Variants in ANO4 observed in about 807,000 individuals in gnomAD.
ANO4 encodes anoctamin-4.
In ANO4, 69 loss-of-function variants were observed where a neutral mutation model predicts 141.9. The ratio of observed to expected loss-of-function variants is 0.49; its 90% CI spans 0.40 to 0.59. The LOEUF (loss-of-function observed/expected upper bound fraction) is 0.59, where lower values mean the gene tolerates loss of function less well. Ranked by LOEUF, ANO4 falls within the 20% of genes least tolerant of loss-of-function variation. ANO4 has a pLI of 0.00. For synonymous variants in ANO4, 350 were observed against 394.3 expected (o/e 0.89, Z 1.33); for missense variants, 894 against 1,162.2 (o/e 0.77, Z 3.36).
chr12:100,929,953 T>C (rs2042022931), intron 3 of ANO4, among the ~76,000 whole-genome samples: 1 of 152,188 alleles, frequency 6.6e-6, no homozygotes, highest in Admixed American at 6.6e-5. Context: ...CCTTTTCATG[T>C]GCCTGTTTGC....
At chr12:100,848,680 C>T (rs2037709088) in intron 1 of ANO4, among the ~76,000 whole-genome samples, 1 of 152,058 alleles carries the variant, frequency 6.6e-6, no homozygotes, top group South Asian at 2.1e-4. Context: ...GCACGCGACC[C>T]CCTCACACTC....
intron 1 of ANO4, among the ~76,000 whole-genome samples, chr12:100,817,221 G>T (rs2035784156): frequency 6.6e-6 from 1 of 151,746 alleles, no homozygotes; most frequent in Admixed American, 6.6e-5. Flanking sequence ...TGGCTCTGGG[G>T]TATACTTGTA....
intron 2 of ANO4, among the ~76,000 whole-genome samples, chr12:100,915,358 T>C (rs956804732): frequency 5.9e-5 from 9 of 152,176 alleles, no homozygotes; most frequent in African/African-American, 2.2e-4. Flanking sequence ...AGTATACCTC[T>C]CAGGACAGGA....
rs191019904 is a variant in ANO4, at chr12:100,880,104, G to A, written c.-140-21542G>A. On this transcript the variant is annotated intron_variant, in intron 1 of 27. Transcript: ENST00000392977. ...ACACATTGTAGGGGTAGTTTAGCAT[G>A]GCTATAGGAAGAAGTGGGTAACATA... Among the ~76,000 whole-genome samples, 6 of 152,256 alleles carry A rather than the reference G, an allele frequency of 3.9e-5. No individual in the cohort carries two copies. In the East Asian group the frequency reaches 1.2e-3, roughly 29 times the overall value.
chr12:101,035,900 A>G (rs909635391), intron 9 of ANO4, among the ~76,000 whole-genome samples: 3 of 152,166 alleles, frequency 2.0e-5, no homozygotes, highest in African/African-American at 4.8e-5. Flanking sequence ...ACCTGTCAGT[A>G]CTATGCTCAT....
intron 14 of ANO4, among the ~76,000 whole-genome samples, chr12:101,050,436 AAC>A (rs1465899961): frequency 1.3e-5 from 2 of 152,124 alleles, no homozygotes; most frequent in Admixed American, 1.3e-4. Context: ...AACTAACCCT[AAC>A]AGAATTTTGA....
At chr12:101,077,287 G>C (rs1284595544) in intron 14 of ANO4, among the ~76,000 whole-genome samples, 1 of 152,184 alleles carries the variant, frequency 6.6e-6, no homozygotes, top group Non-Finnish European at 1.5e-5. Context: ...TTGGAAGCTT[G>C]TCCTGTTTCC....
At chr12:101,111,861 AAATAAT>A (rs1422896926) in intron 24 of ANO4, 151 bp downstream of exon 24, 5 of 572,230 alleles carry the variant, frequency 8.7e-6, no homozygotes, top group Non-Finnish European at 1.3e-5. Context: ...GATTTATTAT[AAATAAT>A]AATAATAACA....
chr12:100,894,234 A>G (rs1331595175), intron 1 of ANO4, among the ~76,000 whole-genome samples: 1 of 152,082 alleles, frequency 6.6e-6, no homozygotes, highest in Non-Finnish European at 1.5e-5. Context: ...AAATAGCCTG[A>G]CACTAAGTGA....
chr12:100,900,337 G>T (rs543691920), intron 1 of ANO4, among the ~76,000 whole-genome samples: 240 of 151,534 alleles, frequency 1.6e-3, no homozygotes, highest in Non-Finnish European at 2.7e-3. Flanking sequence ...GAGTTCTAGG[G>T]TACATGTGCA....
chr12:101,094,607 C>A (rs2049906422), intron 18 of ANO4, among the ~76,000 whole-genome samples: 1 of 152,122 alleles, frequency 6.6e-6, no homozygotes, highest in East Asian at 1.9e-4. Flanking sequence ...GGAAAGTGTT[C>A]ATTTGCTATT....
At chr12:100,815,631 T>C (rs936259437) in intron 1 of ANO4, among the ~76,000 whole-genome samples, 2 of 152,144 alleles carry the variant, frequency 1.3e-5, no homozygotes, top group Non-Finnish European at 2.9e-5. Flanking sequence ...TAATTGTATA[T>C]AAATGGTAAT....
intron 19 of ANO4, among the ~76,000 whole-genome samples, chr12:101,097,053 G>A (rs1227873505): frequency 6.6e-6 from 1 of 152,050 alleles, no homozygotes; most frequent in Admixed American, 6.6e-5. Flanking sequence ...AGGAAAGGGG[G>A]CAAAAATGGG....
intron 1 of ANO4, among the ~76,000 whole-genome samples, chr12:100,878,803 G>T (rs117655310): frequency 6.6e-6 from 1 of 152,272 alleles, no homozygotes; most frequent in Non-Finnish European, 1.5e-5. Flanking sequence ...AAAGCGAAGA[G>T]AATTCTTTAA....
chr12:100,732,879 G>T (rs2031439568), intron 1 of ANO4, among the ~76,000 whole-genome samples: 1 of 152,160 alleles, frequency 6.6e-6, no homozygotes, highest in Admixed American at 6.6e-5. Context: ...CAATGCACCT[G>T]TGAGGCTTTG....
At chr12:100,726,252 T>C (rs2031113388) in intron 1 of ANO4, among the ~76,000 whole-genome samples, 1 of 152,248 alleles carries the variant, frequency 6.6e-6, no homozygotes, top group Non-Finnish European at 1.5e-5. Context: ...AAGTCCTTTC[T>C]TTTTATTTTT....
chr12:100,925,178 C>G (rs1198271870), intron 3 of ANO4, among the ~76,000 whole-genome samples: 1 of 152,070 alleles, frequency 6.6e-6, no homozygotes, highest in Non-Finnish European at 1.5e-5. Flanking sequence ...GCCATTCAGT[C>G]TCTATTTAGG....
At chr12:100,749,214 C>T (rs1413479132) in intron 3 of ANO4, among the ~76,000 whole-genome samples, 2 of 152,084 alleles carry the variant, frequency 1.3e-5, no homozygotes, top group African/African-American at 4.8e-5. Context: ...GAGGTATTGC[C>T]GCACAGGGTG....
chr12:100,815,240 C>A (rs1285144318), intron 1 of ANO4, among the ~76,000 whole-genome samples: 1 of 152,092 alleles, frequency 6.6e-6, no homozygotes, highest in Non-Finnish European at 1.5e-5. Flanking sequence ...ATCTGATAAA[C>A]CTGAATTTAA....
Sources: gnomAD v4.1 joint callset for allele counts (sites outside exome capture counted in the v4.1 genomes callset) on GRCh38, gnomAD v4.1.1 for gene constraint, MANE v1.5 for transcripts, NCBI Gene and HGNC (gene_info 2026-07-23, HGNC 2026-07-21) for gene names.